HSP90B1: variants seen among roughly 807,000 people sequenced by gnomAD.
HSP90B1 encodes endoplasmin.
A neutral mutation model predicts 100.4 loss-of-function variants in HSP90B1; 27 were observed. That is an observed-to-expected ratio of 0.27 (90% CI 0.20 to 0.37). The LOEUF (loss-of-function observed/expected upper bound fraction) is 0.37, where lower values mean the gene tolerates loss of function less well. Among genes scored for constraint, HSP90B1 ranks in the 10% least tolerant of loss-of-function variants. The pLI is 1.00. For missense variants in HSP90B1, 678 were observed against 960.5 expected (o/e 0.71, Z 3.89); for synonymous variants, 304 against 330.8 (o/e 0.92, Z 0.88).
chr12:103,932,891 G>A lies in HSP90B1; in HGVS notation c.360G>A (p.Leu120=). 6.2e-7 allele frequency: 1 copy of A among 1,606,630 alleles called. No homozygotes were observed. The highest frequency in any genetic ancestry group is 1.1e-5 in the South Asian group (1 of 90,916). ...TAGATAAGATAAGGCTAATATCACT[G>A]ACTGATGAAAATGCTCTTTCTGGAA... ...DALDKIRLIS[L]TDENALSGNE... Residue 120 remains leucine, a synonymous_variant, in exon 4 of 18, where the codon CTG becomes CTA. Coordinates refer to ENST00000299767, the MANE Select transcript of HSP90B1 (RefSeq NM_003299.3).
chr12:103,931,685 A>G (rs1422985258), intron 2 of HSP90B1, 62 bp downstream of exon 2: 1 of 1,147,606 alleles, frequency 8.7e-7, no homozygotes, highest in Non-Finnish European at 1.3e-6. Context: ...AGTTACGGTC[A>G]CTTCTTATGT....
chr12:103,941,631 CTA>C lies in HSP90B1; in HGVS notation c.1235_1236del (p.Tyr412CysfsTer12). ...TGACTTTTTTTTGGTCTCTTTAGCT[CTA>C]TGTGCGCCGTGTATTCATCACAGAC... ...GSKKSDYIKL[Y>X]VRRVFITDDF... On this transcript the variant is annotated frameshift_variant, in exon 10 of 18. Transcript: ENST00000299767. LOFTEE classifies it high-confidence loss of function. 6.2e-7 allele frequency: 1 copy of C among 1,614,094 alleles called. No individual in the cohort carries two copies. Among genetic ancestry groups the C allele is most frequent in the Non-Finnish European group, 8.5e-7 (1 of 1,179,986 alleles).
intron 17 of HSP90B1, 53 bp downstream of exon 17, chr12:103,947,483 C>G: frequency 4.3e-6 from 7 of 1,613,560 alleles, no homozygotes; most frequent in Non-Finnish European, 5.9e-6. Flanking sequence ...AAAGTTAGGA[C>G]AGAGTTTTAG....
In HSP90B1 at chr12:103,941,908, C is replaced by G. The variant is rs1179065646; in HGVS notation, c.1374+11C>G. 6.2e-7 allele frequency: 1 copy of G among 1,608,196 alleles called. No individual in the cohort carries two copies. The highest frequency in any genetic ancestry group is 1.3e-5 in the African/African-American group (1 of 74,764). On this transcript the variant is annotated intron_variant, in intron 11 of 17. Transcript: ENST00000299767. ...CATAAACTGCTTAAGGTAAGTGTCT[C>G]TGGGAAGAAACTCTCCACTTTGCTG... is the stretch of plus-strand genomic sequence containing the variant.
Position 103,943,104 on chromosome 12 carries a change from C to G in HSP90B1, c.1675C>G (p.Leu559Val). Residue 559 changes from leucine to valine, a missense_variant, in exon 13 of 18, where the codon CTG becomes GTG. Transcript: ENST00000299767. The surrounding 1 kb of genome is among the most constrained non-coding windows in gnomAD (Gnocchi z 5.3). ...AESSPFVERLLKKGYEVIYLT... is the reference protein window; with the variant it reads ...AESSPFVERLVKKGYEVIYLT... ...ATCTTCTCCATTTGTTGAGCGACTT[C>G]TGAAAAAGGGCTATGAAGTTATTTA... The G allele has an allele frequency of 1.2e-6, 2 of 1,614,002 alleles. No individual in the cohort carries two copies. Among genetic ancestry groups the G allele is most frequent in the Non-Finnish European group, 1.7e-6 (2 of 1,179,972 alleles).
At chr12:103,944,238 A>G (rs547294158) in intron 14 of HSP90B1, among the ~76,000 whole-genome samples, 8 of 152,188 alleles carry the variant, frequency 5.3e-5, no homozygotes, top group Non-Finnish European at 7.3e-5. Context: ...AAGTGAGTTA[A>G]GTCCATTTCA....
Position 103,942,508 on chromosome 12 carries a change from ATTCT to A in HSP90B1, c.1375-15_1375-12del. On this transcript the variant is annotated splice_polypyrimidine_tract_variant and intron_variant, in intron 11 of 17. Coordinates refer to ENST00000299767, the MANE Select transcript of HSP90B1 (RefSeq NM_003299.3). Reference sequence around the variant, plus strand: ...TGGAGATTAACTTCTCTAATCAGTTATTCTTTCATTGTGTTTAGGTGATTAGGAA... The same window carrying A: ...TGGAGATTAACTTCTCTAATCAGTTATTCATTGTGTTTAGGTGATTAGGAA... 2 of 1,609,754 alleles carry A rather than the reference ATTCT, an allele frequency of 1.2e-6. No homozygotes were observed. Among genetic ancestry groups the A allele is most frequent in the Non-Finnish European group, 1.7e-6 (2 of 1,176,718 alleles).
intron 11 of HSP90B1, 44 bp downstream of exon 11, chr12:103,941,941 G>A: frequency 6.9e-7 from 1 of 1,450,006 alleles, no homozygotes; most frequent in South Asian, 1.2e-5. Context: ...CTGTTTGATT[G>A]GGGTTCAGAG....
At position 103,942,810 on chromosome 12, in the gene HSP90B1, A is replaced by G. The variant is rs372060135; in HGVS notation, c.1644+14A>G. ...AGCAGAAAAGAGGTGAGATGAACTC[A>G]TAAGTGTTGTCAGCCATTCTGGAAG... On this transcript the variant is annotated intron_variant, in intron 12 of 17. Transcript: ENST00000299767. 1.6e-5 allele frequency: 26 copies of G among 1,611,930 alleles called. No homozygotes were observed. The highest frequency in any genetic ancestry group is 6.7e-5 in the East Asian group (3 of 44,864).
At chr12:103,937,427 A>T (rs902654710) in intron 5 of HSP90B1, among the ~76,000 whole-genome samples, 15 of 152,238 alleles carry the variant, frequency 9.9e-5, no homozygotes, top group African/African-American at 3.4e-4. Context: ...AAAACAATCT[A>T]TTCAGACGGT....
Position 103,943,683 on chromosome 12 carries a change from C to T in HSP90B1, c.1891-55C>T. ...GTCTTAGACAGTTGAAAGACAATTG[C>T]TCAATGACCTTACCTGTTGATATTA... On this transcript the variant is annotated intron_variant, in intron 13 of 17. Coordinates refer to ENST00000299767, the MANE Select transcript of HSP90B1 (RefSeq NM_003299.3). The surrounding 1 kb of genome is among the most constrained non-coding windows in gnomAD (Gnocchi z 5.3). 6 of 1,529,404 alleles carry T rather than the reference C, an allele frequency of 3.9e-6. No homozygotes were observed. The South Asian group carries it at 7.2e-5, about 18-fold the overall frequency. 94.7% of individuals were successfully genotyped at this position (1,529,404 alleles called of 1,614,324 possible).
chr12:103,943,587 C>T lies in HSP90B1; in HGVS notation c.1891-151C>T. 1 of 815,230 alleles carries T rather than the reference C, an allele frequency of 1.2e-6. No individual in the cohort carries two copies. Among genetic ancestry groups the T allele is most frequent in the Non-Finnish European group, 1.9e-6 (1 of 539,950 alleles). 50.5% of individuals were successfully genotyped at this position (815,230 alleles called of 1,614,324 possible). Reference sequence around the variant, plus strand: ...TCAGATTATCAAGTAAGTGCCCCTACAAATTCTCCTAAACCTTAAGAAAAG... The same window carrying T: ...TCAGATTATCAAGTAAGTGCCCCTATAAATTCTCCTAAACCTTAAGAAAAG... On this transcript the variant is annotated intron_variant, in intron 13 of 17. Transcript: ENST00000299767. This position sits in a 1 kb window ranked among gnomAD's most constrained non-coding sequence, Gnocchi z 5.3.
intron 7 of HSP90B1, chr12:103,938,917 T>C (rs1869997470): frequency 6.6e-6 from 1 of 152,324 alleles, no homozygotes; most frequent in Non-Finnish European, 1.5e-5. Flanking sequence ...TATTTCCTTC[T>C]AACCTCAAAA....
At position 103,943,436 on chromosome 12, in the gene HSP90B1, T is replaced by A. The variant is rs556853810; in HGVS notation, c.1890+117T>A. 2.1e-3 allele frequency: 1,896 copies of A among 891,154 alleles called. 28 individuals are homozygous for A. In the African/African-American group the frequency reaches 0.035, roughly 16 times the overall value. 55.2% of individuals were successfully genotyped at this position (891,154 alleles called of 1,614,324 possible). A position where few individuals can be genotyped will look rare whatever the true frequency, so the allele number is the denominator to read the frequency against. ...TGTAACCATTAGAATGGTAAAAATT[T>A]AATTAATGTAATTAAATTATTGGGA... On this transcript the variant is annotated intron_variant, in intron 13 of 17. Coordinates refer to ENST00000299767, the MANE Select transcript of HSP90B1 (RefSeq NM_003299.3). This position sits in a 1 kb window ranked among gnomAD's most constrained non-coding sequence, Gnocchi z 5.3.
At chr12:103,936,994 G>A (rs1169626845) in intron 5 of HSP90B1, among the ~76,000 whole-genome samples, 1 of 152,098 alleles carries the variant, frequency 6.6e-6, no homozygotes, top group African/African-American at 2.4e-5. Context: ...ATCAAGATAT[G>A]GACTACCTAC....
rs1432478670 is a variant in HSP90B1 at position 103,934,411 on chromosome 12, A to G, written c.743+124A>G. On this transcript the variant is annotated intron_variant, in intron 5 of 17. Coordinates refer to ENST00000299767, the MANE Select transcript of HSP90B1 (RefSeq NM_003299.3). ...TTTTCCTGCCTTATAAAATGAGGAA[A>G]CAGAACTGTTGTCACTTGAAGAAAT... The G allele has an allele frequency of 1.4e-5, 11 of 786,332 alleles. 1 individual carries two copies. The highest frequency in any genetic ancestry group is 2.2e-5 in the Non-Finnish European group (11 of 491,102). The allele number at this position is 786,332 out of a possible 1,614,324, so 48.7% of individuals were successfully genotyped here. A position where few individuals can be genotyped will look rare whatever the true frequency, so the allele number is the denominator to read the frequency against.
intron 16 of HSP90B1, 106 bp from the exon 17 acceptor site, chr12:103,947,192 AGGATTTAGTCTGT>A: frequency 3.0e-6 from 4 of 1,335,326 alleles, no homozygotes; most frequent in Non-Finnish European, 4.1e-6. Context: ...TCTAGTTAAG[AGGATTTAGTCTGT>A]GGTTCTGAAT....
Position 103,943,895 on chromosome 12 carries a change from C to T in HSP90B1, c.2027+21C>T, listed in dbSNP as rs1372768237. On this transcript the variant is annotated intron_variant, in intron 14 of 17. Transcript: ENST00000299767. The surrounding 1 kb of genome is among the most constrained non-coding windows in gnomAD (Gnocchi z 5.3). ...ACAAAGTAAGCATCCTCGGGAAAGT[C>T]CCTGCCAGGGCGTTGCCCCTTACCC... is the stretch of plus-strand genomic sequence containing the variant. 1.2e-6 allele frequency: 2 copies of T among 1,607,742 alleles called. No individual in the cohort carries two copies. Among genetic ancestry groups the T allele is most frequent in the South Asian group, 1.1e-5 (1 of 90,284 alleles).
intron 3 of HSP90B1, 110 bp downstream of exon 3, chr12:103,932,528 C>A: frequency 1.1e-6 from 1 of 928,540 alleles, no homozygotes. Context: ...AAGTAGGTAA[C>A]AACCTTTAAA....
Sources: allele counts gnomAD v4.1 joint callset (sites outside exome capture counted in the v4.1 genomes callset), GRCh38; gene constraint gnomAD v4.1.1; non-coding constraint Gnocchi (gnomAD v3.1); transcripts MANE v1.5; gene names NCBI Gene and HGNC (gene_info 2026-07-23, HGNC 2026-07-21).